SERPINE2: variants seen among roughly 807,000 people sequenced by gnomAD.
SERPINE2 encodes the protein glia-derived nexin.
Under a neutral mutation model 36.3 loss-of-function variants are expected in SERPINE2, and 14 were observed. That is an observed-to-expected ratio of 0.39 (90% CI 0.25 to 0.60). The LOEUF is 0.60. SERPINE2 is among the 20% of genes least tolerant of loss of function. The pLI, the probability that SERPINE2 is intolerant of heterozygous loss-of-function variation, is 0.57. For synonymous variants in SERPINE2, 192 were observed against 191.8 expected, an observed-to-expected ratio of 1.00 and a Z score of -0.01; for missense variants, 418 against 499.6, an observed-to-expected ratio of 0.84 and a Z score of 1.56.
chr2:223,975,882 C>G lies in SERPINE2; in HGVS notation c.1179G>C (p.Gln393His). 6.3e-7 allele frequency: 1 copy of G among 1,596,800 alleles called. No homozygotes were observed. Among genetic ancestry groups the G allele is most frequent in the East Asian group, 2.2e-5 (1 of 44,704 alleles). The change falls in exon 9 of 9, where the codon CAG (glutamine) becomes CAC (histidine). Residue 393 changes from glutamine to histidine, a missense_variant. By Grantham distance (24) the Gln-to-His change is conservative. Transcript: ENST00000409304. ...NPTGAVLFMG[Q>H]INKP ...TGTATACTCTTCAGGGTTTGTTTAT[C>G]TGCCCCATGAATAACACAGCACCTA...
At chr2:224,002,008 G>C in intron 1 of SERPINE2, 86 bp from the exon 2 acceptor site, 1 of 1,237,528 alleles carries the variant, frequency 8.1e-7, no homozygotes, top group East Asian at 2.6e-5. Flanking sequence ...ATAGAGACTC[G>C]TTCTTTCACC....
intron 1 of SERPINE2, among the ~76,000 whole-genome samples, chr2:224,004,616 A>C (rs1043479183): frequency 6.6e-6 from 1 of 152,076 alleles, no homozygotes; most frequent in Non-Finnish European, 1.5e-5. Context: ...TATTCATTCC[A>C]TCTAAAAACT....
intron 1 of SERPINE2, among the ~76,000 whole-genome samples, chr2:224,005,732 C>T (rs1691398175): frequency 6.6e-6 from 1 of 152,164 alleles, no homozygotes. Flanking sequence ...AGAAATTACA[C>T]TTTAAACTTT....
intron 1 of SERPINE2, among the ~76,000 whole-genome samples, chr2:224,036,227 C>G (rs1692529716): frequency 6.6e-6 from 1 of 151,466 alleles, no homozygotes; most frequent in Non-Finnish European, 1.5e-5. Context: ...ACATGGTTCA[C>G]CCAAATACAC....
intron 6 of SERPINE2, chr2:223,981,991 C>T (rs557533280): frequency 6.6e-6 from 1 of 151,702 alleles, no homozygotes; most frequent in Non-Finnish European, 1.5e-5. Context: ...TTCATAAAAG[C>T]AATACATGAA....
intron 7 of SERPINE2, 84 bp downstream of exon 7, chr2:223,980,227 T>TACATATTTGC: frequency 8.8e-7 from 1 of 1,136,384 alleles, no homozygotes; most frequent in Non-Finnish European, 1.3e-6. Context: ...GAGGGTGCAT[T>TACATATTTGC]ACATATTTGC....
At chr2:224,006,275 C>A (rs190429668) in intron 1 of SERPINE2, among the ~76,000 whole-genome samples, 31 of 152,250 alleles carry the variant, frequency 2.0e-4, no homozygotes, top group Non-Finnish European at 4.1e-4. Flanking sequence ...TTCACTTGAT[C>A]GTTCAGAAAA....
intron 1 of SERPINE2, among the ~76,000 whole-genome samples, chr2:224,023,637 G>C (rs530124135): frequency 6.6e-6 from 1 of 152,190 alleles, no homozygotes; most frequent in Non-Finnish European, 1.5e-5. Flanking sequence ...AAATAAAACA[G>C]AGAACATCTT....
At chr2:223,988,826 T>C (rs1413245353) in intron 4 of SERPINE2, among the ~76,000 whole-genome samples, 1 of 152,220 alleles carries the variant, frequency 6.6e-6, no homozygotes, top group South Asian at 2.1e-4. Flanking sequence ...GATACATTTG[T>C]ATTATGGAAT....
At chr2:224,026,953 G>A (rs116571389) in intron 1 of SERPINE2, among the ~76,000 whole-genome samples, 5,067 of 152,186 alleles carry the variant, frequency 0.033, 228 homozygotes, top group African/African-American at 0.1. Flanking sequence ...CTCTTAGCTG[G>A]TACAAATCAA....
At chr2:224,023,810 A>C (rs1692090987) in intron 1 of SERPINE2, among the ~76,000 whole-genome samples, 1 of 152,200 alleles carries the variant, frequency 6.6e-6, no homozygotes, top group Non-Finnish European at 1.5e-5. Flanking sequence ...CTGGGTAGAC[A>C]TTCTTTTCTT....
intron 1 of SERPINE2, among the ~76,000 whole-genome samples, chr2:224,021,393 A>T (rs1015170399): frequency 2.6e-5 from 4 of 152,220 alleles, no homozygotes; most frequent in Non-Finnish European, 5.9e-5. Context: ...CAGGGCCTAC[A>T]TCAAGAGGGA....
intron 1 of SERPINE2, among the ~76,000 whole-genome samples, chr2:224,034,797 G>C (rs1165592450): frequency 6.6e-6 from 1 of 152,210 alleles, no homozygotes; most frequent in Non-Finnish European, 1.5e-5. Flanking sequence ...ACCCAGGGGG[G>C]CTGCGAGGAA....
intron 3 of SERPINE2, among the ~76,000 whole-genome samples, chr2:223,995,207 C>T (rs1343930403): frequency 6.6e-6 from 1 of 152,140 alleles, no homozygotes; most frequent in Non-Finnish European, 1.5e-5. Flanking sequence ...TGATGGGTCT[C>T]CTCCTGCAAA....
chr2:223,983,520 T>G (rs1690303647), intron 5 of SERPINE2, among the ~76,000 whole-genome samples: 2 of 152,074 alleles, frequency 1.3e-5, no homozygotes, highest in South Asian at 4.1e-4. Flanking sequence ...CCCAAAGTGT[T>G]GGGATTACAG....
intron 1 of SERPINE2, among the ~76,000 whole-genome samples, chr2:224,008,815 C>T (rs1049190342): frequency 1.3e-5 from 2 of 152,210 alleles, no homozygotes; most frequent in African/African-American, 4.8e-5. Flanking sequence ...AGTCCATTTA[C>T]ACCACTCTCT....
intron 1 of SERPINE2, among the ~76,000 whole-genome samples, chr2:224,017,435 G>A (rs1242662486): frequency 6.6e-6 from 1 of 152,152 alleles, no homozygotes; most frequent in Non-Finnish European, 1.5e-5. Flanking sequence ...ACACAAAAAT[G>A]TAATATTTTT....
intron 2 of SERPINE2, among the ~76,000 whole-genome samples, chr2:224,001,342 C>T (rs776174839): frequency 1.3e-5 from 2 of 152,160 alleles, no homozygotes; most frequent in Non-Finnish European, 2.9e-5. Flanking sequence ...GCCATGGAGG[C>T]GGTAAGCCAG....
intron 2 of SERPINE2, among the ~76,000 whole-genome samples, chr2:224,000,604 G>C (rs1691077854): frequency 6.6e-6 from 1 of 152,072 alleles, no homozygotes; most frequent in Non-Finnish European, 1.5e-5. Flanking sequence ...GTGTCGTGGT[G>C]GTTTGCTGCA....
Sources: gnomAD v4.1 joint callset for allele counts (sites outside exome capture counted in the v4.1 genomes callset) on GRCh38, gnomAD v4.1.1 for gene constraint, MANE v1.5 for transcripts, NCBI Gene and HGNC (gene_info 2026-07-23, HGNC 2026-07-21) for gene names.